Variants in GABRG3 observed in about 807,000 individuals in gnomAD.
GABRG3 encodes gamma-aminobutyric acid receptor subunit gamma-3.
In GABRG3, 25 loss-of-function variants were observed where a neutral mutation model predicts 48.8. The observed-to-expected ratio is 0.51, with a 90% confidence interval of 0.37 to 0.72. The LOEUF is 0.72. GABRG3 is among the 30% of genes least tolerant of loss of function. GABRG3 has a pLI of 0.00. For missense variants in GABRG3, 394 were observed against 577.9 expected, an observed-to-expected ratio of 0.68 and a Z score of 3.26; for synonymous variants, 227 against 217.6, an observed-to-expected ratio of 1.04 and a Z score of -0.38.
chr15:27,316,712 A>G (rs1017548414), intron 3 of GABRG3, among the ~76,000 whole-genome samples: 1 of 152,230 alleles, frequency 6.6e-6, no homozygotes, highest in Non-Finnish European at 1.5e-5. Flanking sequence ...TGGAGTTTCC[A>G]GCATGACATT....
At chr15:27,270,424 T>G (rs1320932751) in intron 3 of GABRG3, among the ~76,000 whole-genome samples, 1 of 152,164 alleles carries the variant, frequency 6.6e-6, no homozygotes, top group Non-Finnish European at 1.5e-5. Flanking sequence ...GACTCAGAAA[T>G]CATAGCCAGA....
chr15:27,532,045 C>T (rs1287602099), intron 9 of GABRG3, among the ~76,000 whole-genome samples: 1 of 152,148 alleles, frequency 6.6e-6, no homozygotes, highest in Admixed American at 6.5e-5. Flanking sequence ...ATAGCTTTTA[C>T]TCTTCACTAA....
intron 3 of GABRG3, among the ~76,000 whole-genome samples, chr15:27,259,709 C>T (rs946147099): frequency 9.2e-5 from 14 of 152,090 alleles, no homozygotes; most frequent in African/African-American, 3.4e-4. Context: ...GCATATTCAT[C>T]CCTCTTTCCA....
intron 2 of GABRG3, among the ~76,000 whole-genome samples, chr15:26,992,878 G>A (rs935186439): frequency 5.3e-5 from 8 of 151,888 alleles, no homozygotes; most frequent in African/African-American, 1.9e-4. Context: ...TTATGGCTTT[G>A]ATCTTATTAC....
intron 5 of GABRG3, among the ~76,000 whole-genome samples, chr15:27,334,032 T>G (rs570902682): frequency 1.2e-4 from 19 of 152,356 alleles, no homozygotes; most frequent in African/African-American, 4.6e-4. Context: ...TTTGTCCAGC[T>G]GATTGGTTAA....
chr15:27,332,320 C>T (rs1893829518), intron 5 of GABRG3, among the ~76,000 whole-genome samples: 2 of 152,140 alleles, frequency 1.3e-5, no homozygotes, highest in East Asian at 3.9e-4. Context: ...TCGAGACCAG[C>T]CTGGCCAATA....
At chr15:27,134,125 A>G (rs1268391446) in intron 3 of GABRG3, among the ~76,000 whole-genome samples, 1 of 152,202 alleles carries the variant, frequency 6.6e-6, no homozygotes, top group Non-Finnish European at 1.5e-5. Flanking sequence ...GGCATCAGAA[A>G]GAATGATCTT....
At chr15:27,394,884 T>C (rs766283074) in intron 5 of GABRG3, among the ~76,000 whole-genome samples, 5 of 152,228 alleles carry the variant, frequency 3.3e-5, no homozygotes, top group Non-Finnish European at 7.3e-5. Flanking sequence ...AGAGTCTCTC[T>C]TTGTCATTGT....
intron 5 of GABRG3, among the ~76,000 whole-genome samples, chr15:27,436,377 C>T (rs975231798): frequency 1.3e-5 from 2 of 152,144 alleles, no homozygotes; most frequent in Non-Finnish European, 2.9e-5. Flanking sequence ...CGGATTTGAG[C>T]ACATGAATTT....
At chr15:27,503,618 T>C (rs1685501722) in intron 6 of GABRG3, among the ~76,000 whole-genome samples, 1 of 152,224 alleles carries the variant, frequency 6.6e-6, no homozygotes, top group Admixed American at 6.5e-5. Context: ...GTCTATTTGA[T>C]GTGCACATAC....
At chr15:27,527,400 C>A (rs1891303349) in intron 7 of GABRG3, 33 bp from the exon 8 acceptor site, 1 of 1,595,972 alleles carries the variant, frequency 6.3e-7, no homozygotes, top group South Asian at 1.1e-5. Context: ...CGTGTTGCAC[C>A]CTTTTACAAC....
rs796181974 is a variant in GABRG3, at chr15:27,132,484, T to C, written c.270+105663T>C. Among the ~76,000 whole-genome samples the C allele has an allele frequency of 1.9e-4, 27 of 145,310 alleles. 1 individual carries two copies. Among genetic ancestry groups the C allele is most frequent in the African/African-American group, 6.1e-4 (24 of 39,214 alleles). On this transcript the variant is annotated intron_variant, in intron 3 of 9. Transcript: ENST00000615808. ...CCAGTAGTTACAGTTTTTTTTTTTT[T>C]TTTTTTTTTTTTTTTTGTGGCTTAT... is the stretch of plus-strand genomic sequence containing the variant.
chr15:27,290,833 C>T (rs1451817809), intron 3 of GABRG3, among the ~76,000 whole-genome samples: 1 of 152,130 alleles, frequency 6.6e-6, no homozygotes, highest in African/African-American at 2.4e-5. Flanking sequence ...GTTAATCATA[C>T]TAGTGTAAAA....
intron 6 of GABRG3, among the ~76,000 whole-genome samples, chr15:27,491,103 G>A (rs1055491996): frequency 3.9e-5 from 6 of 152,330 alleles, no homozygotes; most frequent in African/African-American, 1.4e-4. Flanking sequence ...GCCCTTGGCA[G>A]GGGTGCTCTC....
intron 3 of GABRG3, among the ~76,000 whole-genome samples, chr15:27,099,424 G>T (rs930860491): frequency 6.6e-6 from 1 of 152,036 alleles, no homozygotes; most frequent in Non-Finnish European, 1.5e-5. Context: ...CTGTGTCTTC[G>T]CATGGTTTCC....
chr15:27,054,578 G>A (rs17647963), intron 3 of GABRG3, among the ~76,000 whole-genome samples: 23,856 of 152,130 alleles, frequency 0.16, 2,076 homozygotes, highest in Non-Finnish European at 0.2. Context: ...CAAGAAAGGC[G>A]GAAATGCATC....
intron 5 of GABRG3, chr15:27,418,798 A>G (rs1888020170): frequency 6.6e-6 from 1 of 152,224 alleles, no homozygotes; most frequent in African/African-American, 2.4e-5. Context: ...AATGGAAGCA[A>G]TCTTTAAACC....
intron 3 of GABRG3, among the ~76,000 whole-genome samples, chr15:27,226,224 G>A (rs1014600742): frequency 1.3e-5 from 2 of 152,098 alleles, no homozygotes; most frequent in Non-Finnish European, 2.9e-5. Flanking sequence ...CCCTGGTGAT[G>A]CCCTCAGGTG....
At chr15:27,433,758 G>C (rs1203609636) in intron 5 of GABRG3, among the ~76,000 whole-genome samples, 1 of 152,174 alleles carries the variant, frequency 6.6e-6, no homozygotes, top group Non-Finnish European at 1.5e-5. Context: ...TCAGTACAAG[G>C]TATGTGGAAA....
Sources: allele counts gnomAD v4.1 joint callset (sites outside exome capture counted in the v4.1 genomes callset), GRCh38; gene constraint gnomAD v4.1.1; transcripts MANE v1.5; gene names NCBI Gene and HGNC (gene_info 2026-07-23, HGNC 2026-07-21).